Variants in DRC1 observed in about 807,000 individuals in gnomAD.
The protein encoded by DRC1 is dynein regulatory complex protein 1.
Under a neutral mutation model 98.7 loss-of-function variants are expected in DRC1, and 74 were observed. The ratio of observed to expected loss-of-function variants is 0.75; its 90% CI spans 0.62 to 0.91. The LOEUF (loss-of-function observed/expected upper bound fraction) is 0.91, where lower values mean the gene tolerates loss of function less well. DRC1 is among the 40% of genes least tolerant of loss of function. DRC1 has a pLI of 0.00. For missense variants in DRC1, 875 were observed against 886.0 expected, an observed-to-expected ratio of 0.99 and a Z score of 0.16; for synonymous variants, 336 against 334.1, an observed-to-expected ratio of 1.01 and a Z score of -0.06.
intron 1 of DRC1, among the ~76,000 whole-genome samples, chr2:26,414,046 C>T (rs1339630851): frequency 6.6e-6 from 1 of 151,438 alleles, no homozygotes; most frequent in East Asian, 1.9e-4. Context: ...GTGTGAGCCA[C>T]TGCACCTGGC....
At chr2:26,455,343 G>A (rs1019057726) in intron 16 of DRC1, 110 bp downstream of exon 16, 24 of 995,808 alleles carry the variant, frequency 2.4e-5, no homozygotes, top group Non-Finnish European at 3.3e-5. Flanking sequence ...AGGCAAGGGA[G>A]CTTTGTGATA....
intron 8 of DRC1, 129 bp downstream of exon 8, chr2:26,440,646 T>C: frequency 8.1e-7 from 1 of 1,235,236 alleles, no homozygotes. Context: ...AAATAGTTTT[T>C]TGGAAAAGTT....
At chr2:26,443,905 G>A (rs1399939034) in intron 8 of DRC1, among the ~76,000 whole-genome samples, 2 of 152,130 alleles carry the variant, frequency 1.3e-5, no homozygotes, top group African/African-American at 4.8e-5. Flanking sequence ...CTGGCCCTAG[G>A]TATGGGTATG....
At position 26,402,077 on chromosome 2, in the gene DRC1, G is replaced by C. The variant is rs1044253385; in HGVS notation, c.88G>C (p.Asp30His). 2.5e-6 allele frequency: 4 copies of C among 1,613,114 alleles called. No homozygotes were observed. Among genetic ancestry groups the C allele is most frequent in the Non-Finnish European group, 2.5e-6 (3 of 1,179,750 alleles). ...TQILAPSVHS[D>H]NSQERIQARR... is the part of the protein sequence containing the mutation. ...GATTCTCGCGCCCTCGGTCCACTCC[G>C]ACAACTCTCAGGAGCGCATCCAGGC... is the stretch of plus-strand genomic sequence containing the variant. The change falls in exon 1 of 17, where the codon GAC becomes CAC. Residue 30 changes from aspartate to histidine, a missense_variant. Physicochemically the swap from Asp to His is moderately conservative, Grantham distance 81. Transcript: ENST00000288710.
chr2:26,445,599 A>G (rs959965645), intron 10 of DRC1, among the ~76,000 whole-genome samples: 1 of 152,192 alleles, frequency 6.6e-6, no homozygotes, highest in Admixed American at 6.5e-5. Context: ...ATCTTTGGCT[A>G]GTGGAAATCT....
In DRC1 at chr2:26,436,892, A is replaced by ACAGC. The variant is rs1663586696; in HGVS notation, c.889-3483_889-3480dup. Among the ~76,000 whole-genome samples the ACAGC allele has an allele frequency of 2.0e-5, 3 of 152,274 alleles. No individual in the cohort carries two copies. In the South Asian group the frequency reaches 6.2e-4, roughly 32 times the overall value. On this transcript the variant is annotated intron_variant, in intron 7 of 16. Transcript: ENST00000288710. Reference sequence around the variant, plus strand: ...ATGGGTCAGTTCCCGGGAAGACAGAACAGCCATTCATTGTCATCCCAAATG... The same window carrying ACAGC: ...ATGGGTCAGTTCCCGGGAAGACAGAACAGCCAGCCATTCATTGTCATCCCAAATG...
intron 9 of DRC1, 113 bp downstream of exon 9, chr2:26,444,469 G>A: frequency 7.0e-7 from 1 of 1,419,526 alleles, no homozygotes; most frequent in Non-Finnish European, 9.5e-7. Flanking sequence ...TTCTGGGGCT[G>A]GACCAGGCAC....
chr2:26,426,152 T>C (rs1043721892), intron 4 of DRC1, among the ~76,000 whole-genome samples: 1 of 152,216 alleles, frequency 6.6e-6, no homozygotes, highest in African/African-American at 2.4e-5. Context: ...GAAGAGACTA[T>C]CCTTTCTCCA....
intron 7 of DRC1, among the ~76,000 whole-genome samples, chr2:26,435,615 C>A (rs1663549331): frequency 6.6e-6 from 1 of 152,154 alleles, no homozygotes; most frequent in Non-Finnish European, 1.5e-5. Context: ...CTGTTCCCCT[C>A]TTTGTGTCCA....
chr2:26,445,359 T>C (rs1402823283), intron 10 of DRC1, among the ~76,000 whole-genome samples: 1 of 152,174 alleles, frequency 6.6e-6, no homozygotes, highest in Non-Finnish European at 1.5e-5. Flanking sequence ...TAAAAGAAAA[T>C]CTTCCCTTCC....
rs1276162958 is a variant in DRC1 at position 26,454,660 on chromosome 2, C to T, written c.1933C>T (p.Pro645Ser). The T allele has an allele frequency of 6.2e-7, 1 of 1,614,084 alleles. No homozygotes were observed. Among genetic ancestry groups the T allele is most frequent in the African/African-American group, 1.3e-5 (1 of 75,010 alleles). The change falls in exon 15 of 17, where the codon CCG becomes TCG. Residue 645 changes from proline to serine, a missense_variant. By Grantham distance (74) the Pro-to-Ser change is moderately conservative. Coordinates refer to ENST00000288710, the MANE Select transcript of DRC1 (RefSeq NM_145038.5). This position sits in a 1 kb window ranked among gnomAD's most constrained non-coding sequence, Gnocchi z 5.2. ...GLKKPRDSRAPLRVQKNVRDN... is the reference protein window; with the variant it reads ...GLKKPRDSRASLRVQKNVRDN... The stretch of plus-strand genomic sequence containing the variant: ...CTTGGCCTTCAGGGACTCGCGGGCC[C>T]CGCTGAGGGTACAGAAGAATGTGCG...
chr2:26,454,622 C>T lies in DRC1; in HGVS notation c.1920-25C>T. On this transcript the variant is annotated intron_variant, in intron 14 of 16. Transcript: ENST00000288710. The surrounding 1 kb of genome is among the most constrained non-coding windows in gnomAD (Gnocchi z 5.2). ...CCTGGGTAGTACCCAATGGACATGA[C>T]AATCACTGTGCTCTTGGCCTTCAGG... 1 of 1,612,888 alleles carries T rather than the reference C, an allele frequency of 6.2e-7. No homozygotes were observed. Among genetic ancestry groups the T allele is most frequent in the Non-Finnish European group, 8.5e-7 (1 of 1,179,362 alleles).
At chr2:26,433,925 A>AG (rs1257689231) in intron 7 of DRC1, among the ~76,000 whole-genome samples, 1 of 152,114 alleles carries the variant, frequency 6.6e-6, no homozygotes, top group Non-Finnish European at 1.5e-5. Flanking sequence ...ACTGTAACAG[A>AG]GGGAAAAAAA....
chr2:26,455,225 A>G lies in DRC1; in HGVS notation c.2158A>G (p.Asn720Asp), dbSNP rs771373674. 1.2e-6 allele frequency: 2 copies of G among 1,613,170 alleles called. No individual in the cohort carries two copies. The highest frequency in any genetic ancestry group is 1.7e-6 in the Non-Finnish European group (2 of 1,179,676). Residue 720 changes from asparagine (N) to aspartate (D), a missense_variant, in exon 16 of 17, where the codon AAC (asparagine) becomes GAC (aspartate). Transcript: ENST00000288710. ...GCAGGCGCTACTGCAGCAGTATCTG[A>G]ACTCCAAGGTGGGCGGCGGGGCCTT... The part of the protein sequence containing the change: ...ELQALLQQYL[N>D]SKINSELQVP...
At chr2:26,421,461 T>C in intron 3 of DRC1, 61 bp downstream of exon 3, 1 of 1,429,680 alleles carries the variant, frequency 7.0e-7, no homozygotes, top group Admixed American at 1.8e-5. Context: ...GGTCCGGCAG[T>C]TCTCCCGAAT....
chr2:26,447,724 G>T (rs1663894091), intron 10 of DRC1, among the ~76,000 whole-genome samples: 1 of 151,192 alleles, frequency 6.6e-6, no homozygotes, highest in South Asian at 2.1e-4. Flanking sequence ...GTGCCACCAT[G>T]CCCAGCTAAT....
chr2:26,424,466 G>A lies in DRC1; in HGVS notation c.540+12G>A, dbSNP rs79594098. On this transcript the variant is annotated intron_variant, in intron 4 of 16. Coordinates refer to ENST00000288710, the MANE Select transcript of DRC1 (RefSeq NM_145038.5). ...GCGAGTTACAGCAGGCAAGAGGCCC[G>A]GGCCCTCCAGCCCAGCCACAGGGGA... is the stretch of plus-strand genomic sequence containing the variant. 38,844 of 1,597,860 alleles carry A rather than the reference G, an allele frequency of 0.024. 614 individuals are homozygous for A. The highest frequency in any genetic ancestry group is 0.035 in the South Asian group (3,114 of 90,106).
chr2:26,438,892 T>G (rs544244225), intron 7 of DRC1, among the ~76,000 whole-genome samples: 7 of 152,352 alleles, frequency 4.6e-5, no homozygotes, highest in African/African-American at 1.4e-4. Context: ...TCCCCATTCC[T>G]GCATTTCACT....
Position 26,430,646 on chromosome 2 carries a change from C to T in DRC1, c.679-140C>T, listed in dbSNP as rs758041041. On this transcript the variant is annotated intron_variant, in intron 5 of 16. Transcript: ENST00000288710. ...TCCATAGCCATTTGGTCTTATGAAA[C>T]TTGGCAGGTCTGAATTTGGATTTGA... 1.8e-5 allele frequency: 15 copies of T among 854,722 alleles called. No homozygotes were observed. In the Middle Eastern group the frequency reaches 1.3e-3, roughly 74 times the overall value. 52.9% of individuals were successfully genotyped at this position (854,722 alleles called of 1,614,324 possible). A position where few individuals can be genotyped will look rare whatever the true frequency, so the allele number is the denominator to read the frequency against.
Sources: allele counts gnomAD v4.1 joint callset (sites outside exome capture counted in the v4.1 genomes callset), GRCh38; gene constraint gnomAD v4.1.1; non-coding constraint Gnocchi (gnomAD v3.1); transcripts MANE v1.5; gene names NCBI Gene and HGNC (gene_info 2026-07-23, HGNC 2026-07-21).